PCDHA4: variants seen among roughly 807,000 people sequenced by gnomAD.
PCDHA4 encodes the protein protocadherin alpha-4.
In PCDHA4, 49 loss-of-function variants were observed where a neutral mutation model predicts 61.4. The ratio of observed to expected loss-of-function variants is 0.80; its 90% CI spans 0.63 to 1.01. The LOEUF (loss-of-function observed/expected upper bound fraction) is 1.01, where lower values mean the gene tolerates loss of function less well. Ranked by LOEUF, PCDHA4 falls within the 50% of genes least tolerant of loss-of-function variation. The pLI, the probability that PCDHA4 is intolerant of heterozygous loss-of-function variation, is 0.00. For missense variants in PCDHA4, 1,254 were observed against 1,235.8 expected, an observed-to-expected ratio of 1.01 and a Z score of -0.22; for synonymous variants, 590 against 550.3, an observed-to-expected ratio of 1.07 and a Z score of -1.01.
intron 1 of PCDHA4, chr5:140,842,143 T>C: frequency 6.2e-7 from 1 of 1,613,830 alleles, no homozygotes; most frequent in Non-Finnish European, 8.5e-7. Flanking sequence ...AAGGAGCCAA[T>C]GGGGCAATTT....
intron 1 of PCDHA4, chr5:140,829,401 C>G: frequency 6.2e-7 from 1 of 1,614,092 alleles, no homozygotes; most frequent in Non-Finnish European, 8.5e-7. Context: ...TCGCTGTGGG[C>G]CACCGCCAGC....
intron 1 of PCDHA4, chr5:140,857,354 G>T (rs1449369579): frequency 6.3e-7 from 1 of 1,598,378 alleles, no homozygotes. Context: ...TCCGCTGTGG[G>T]CCACGGCCAG....
chr5:140,945,909 TC>T (rs1440194990), intron 1 of PCDHA4, among the ~76,000 whole-genome samples: 3 of 151,962 alleles, frequency 2.0e-5, no homozygotes, highest in African/African-American at 7.2e-5. Context: ...AGATGAAAGA[TC>T]AATAACACTG....
intron 1 of PCDHA4, chr5:140,876,529 A>G (rs375358450): frequency 1.2e-5 from 19 of 1,614,034 alleles, no homozygotes; most frequent in Non-Finnish European, 1.5e-5. Context: ...AGTAATGGTT[A>G]CTTCACTGTC....
At chr5:140,890,961 TTTTG>T (rs1239214366) in intron 1 of PCDHA4, among the ~76,000 whole-genome samples, 3 of 152,172 alleles carry the variant, frequency 2.0e-5, no homozygotes, top group African/African-American at 7.2e-5. Flanking sequence ...TGATTTCAGG[TTTTG>T]TTTTTCTGAA....
chr5:140,921,716 A>C (rs1554200396), intron 1 of PCDHA4, among the ~76,000 whole-genome samples: 1 of 152,202 alleles, frequency 6.6e-6, no homozygotes, highest in Non-Finnish European at 1.5e-5. Context: ...TAAACACACG[A>C]ATTACTCCCA....
intron 1 of PCDHA4, chr5:140,884,314 G>T: frequency 6.2e-7 from 1 of 1,613,760 alleles, no homozygotes. Context: ...CGTCGAGGGC[G>T]TCGGCAGGCG....
chr5:141,003,411 G>A (rs537266386), intron 3 of PCDHA4, among the ~76,000 whole-genome samples: 4 of 152,092 alleles, frequency 2.6e-5, no homozygotes, highest in Non-Finnish European at 4.4e-5. Context: ...TCCCGGGTTC[G>A]AGTGATTCTT....
chr5:140,862,777 C>T, intron 1 of PCDHA4: 1 of 577,324 alleles, frequency 1.7e-6, no homozygotes, highest in Non-Finnish European at 3.3e-6. Context: ...CGCGTTGCAG[C>T]CACTGGACTA....
chr5:140,830,232 C>G (rs782042680), intron 1 of PCDHA4: 1 of 1,613,810 alleles, frequency 6.2e-7, no homozygotes, highest in African/African-American at 1.3e-5. Context: ...CTGGTCCTCA[C>G]GCTACTGCTG....
chr5:140,965,299 C>A (rs1295211520), intron 1 of PCDHA4, among the ~76,000 whole-genome samples: 4 of 152,134 alleles, frequency 2.6e-5, no homozygotes, highest in African/African-American at 7.2e-5. Context: ...TTCCTCTGAT[C>A]CTTCTACCTT....
At chr5:140,999,973 C>A (rs1370727292) in intron 3 of PCDHA4, among the ~76,000 whole-genome samples, 2 of 152,082 alleles carry the variant, frequency 1.3e-5, no homozygotes, top group African/African-American at 4.8e-5. Context: ...AGTAGCAGCT[C>A]TAGCGGCCTC....
In PCDHA4 at chr5:140,807,290, G is replaced by T. The variant is rs1763880009; in HGVS notation, c.103G>T (p.Val35Phe). ...EAGNGQLHYS[V>F]SEEAKHGTFV... is the part of the protein sequence containing the mutation. ...AGGGAACGGTCAGCTCCACTACTCG[G>T]TCTCCGAGGAGGCCAAACACGGCAC... Residue 35 changes from valine (V) to phenylalanine (F), a missense_variant, in exon 1 of 4, where the codon GTC becomes TTC. Val to Phe is a conservative substitution (Grantham distance 50). Coordinates refer to ENST00000530339, the MANE Select transcript of PCDHA4 (RefSeq NM_018907.4). 2 of 1,614,210 alleles carry T rather than the reference G, an allele frequency of 1.2e-6. No homozygotes were observed.
At chr5:140,992,820 TG>T (rs1554253214) in intron 3 of PCDHA4, among the ~76,000 whole-genome samples, 1 of 152,164 alleles carries the variant, frequency 6.6e-6, no homozygotes, top group Non-Finnish European at 1.5e-5. Flanking sequence ...AGGATGTGTT[TG>T]TTTTTTGGGA....
chr5:140,871,140 C>A, intron 1 of PCDHA4: 1 of 1,613,454 alleles, frequency 6.2e-7, no homozygotes, highest in Non-Finnish European at 8.5e-7. Context: ...AGGCCTCTTC[C>A]CGGACTTTGG....
At chr5:140,877,995 T>A in intron 1 of PCDHA4, 1 of 1,054,404 alleles carries the variant, frequency 9.5e-7, no homozygotes. Context: ...AACTTTTATG[T>A]ATTTGTCTAA....
intron 1 of PCDHA4, among the ~76,000 whole-genome samples, chr5:140,905,832 G>A (rs1292036271): frequency 1.3e-5 from 2 of 152,150 alleles, no homozygotes; most frequent in Non-Finnish European, 2.9e-5. Context: ...TGTATATAAA[G>A]GGGAGTTTAT....
At chr5:140,879,740 T>C (rs1337276853) in intron 1 of PCDHA4, among the ~76,000 whole-genome samples, 5 of 152,200 alleles carry the variant, frequency 3.3e-5, no homozygotes, top group Admixed American at 1.3e-4. Flanking sequence ...ATCAAGGTGT[T>C]GTCAAGGCTA....
intron 1 of PCDHA4, chr5:140,877,530 T>C: frequency 1.2e-6 from 2 of 1,613,780 alleles, no homozygotes; most frequent in Non-Finnish European, 1.7e-6. Context: ...CAGTGGGCGC[T>C]GTGGATCCCG....
Sources: gnomAD v4.1 joint callset for allele counts (sites outside exome capture counted in the v4.1 genomes callset) on GRCh38, gnomAD v4.1.1 for gene constraint, MANE v1.5 for transcripts, NCBI Gene and HGNC (gene_info 2026-07-23, HGNC 2026-07-21) for gene names.